The following FOXP4 variants were observed in gnomAD, a reference collection of about 807,000 sequenced individuals.
FOXP4 encodes forkhead box protein P4.
Under a neutral mutation model 82.6 loss-of-function variants are expected in FOXP4, and 25 were observed. The ratio of observed to expected loss-of-function variants is 0.30; its 90% CI spans 0.22 to 0.42. The LOEUF (loss-of-function observed/expected upper bound fraction) is 0.42, where lower values mean the gene tolerates loss of function less well. Among genes scored for constraint, FOXP4 ranks in the 10% least tolerant of loss-of-function variants. The probability of loss-of-function intolerance (pLI) is 1.00; values close to 1 mark genes in which losing one functional copy is unlikely to be tolerated. For missense variants in FOXP4, 785 were observed against 900.9 expected, an observed-to-expected ratio of 0.87 and a Z score of 1.65; for synonymous variants, 415 against 388.2, an observed-to-expected ratio of 1.07 and a Z score of -0.81.
chr6:41,548,187 C>T (rs1454106308), intron 1 of FOXP4, among the ~76,000 whole-genome samples: 1 of 152,210 alleles, frequency 6.6e-6, no homozygotes, highest in Non-Finnish European at 1.5e-5. Context: ...CACTCGGCGC[C>T]TGGCGTTTCG....
chr6:41,579,336 C>T (rs1765670073), intron 3 of FOXP4, among the ~76,000 whole-genome samples: 1 of 152,148 alleles, frequency 6.6e-6, no homozygotes, highest in African/African-American at 2.4e-5. Context: ...AAAAGGTTCT[C>T]ATACCCATGC....
At chr6:41,595,345 AC>A (rs1303507768) in intron 14 of FOXP4, among the ~76,000 whole-genome samples, 1 of 151,898 alleles carries the variant, frequency 6.6e-6, no homozygotes, top group Non-Finnish European at 1.5e-5. Flanking sequence ...AGGGGCTGCC[AC>A]CCCCAGGGCA....
intron 2 of FOXP4, among the ~76,000 whole-genome samples, chr6:41,576,146 T>A (rs571588235): frequency 6.8e-5 from 10 of 147,646 alleles, no homozygotes; most frequent in African/African-American, 2.4e-4. Context: ...AGGAGAAACA[T>A]CCTGTCCCCC....
rs373891211 is a variant in FOXP4 at position 41,565,913 on chromosome 6, C to T, written c.153C>T (p.Asp51=). Residue 51 remains aspartate, a synonymous_variant, in exon 2 of 17, where the codon GAC becomes GAT. Coordinates refer to ENST00000307972, the MANE Select transcript of FOXP4 (RefSeq NM_001012426.2). The part of the protein sequence containing the change: ...GTGREVTTGA[D]SNGEMSPAEL... ...GCAGGGAAGTGACCACGGGTGCAGACAGCAATGGTGAGATGAGTCCCGCAG... is the reference window on the plus strand; with the variant it reads ...GCAGGGAAGTGACCACGGGTGCAGATAGCAATGGTGAGATGAGTCCCGCAG... 7 of 1,613,940 alleles carry T rather than the reference C, an allele frequency of 4.3e-6. No individual in the cohort carries two copies. The highest frequency in any genetic ancestry group is 4.2e-6 in the Non-Finnish European group (5 of 1,180,050).
At chr6:41,548,104 C>T (rs908506846) in intron 1 of FOXP4, among the ~76,000 whole-genome samples, 4 of 152,212 alleles carry the variant, frequency 2.6e-5, no homozygotes, top group Non-Finnish European at 5.9e-5. Context: ...AACCCTGAGC[C>T]CAGAGCGCGC....
intron 1 of FOXP4, among the ~76,000 whole-genome samples, chr6:41,547,910 C>T (rs373417124): frequency 1.4e-4 from 22 of 152,342 alleles, no homozygotes; most frequent in Middle Eastern, 3.4e-3. Context: ...CAGAGCACAG[C>T]CAGTGGCGCT....
chr6:41,564,949 C>T lies in FOXP4; in HGVS notation c.-16-796C>T, dbSNP rs754060020. On this transcript the variant is annotated intron_variant, in intron 1 of 16. Coordinates refer to ENST00000307972, the MANE Select transcript of FOXP4 (RefSeq NM_001012426.2). ...CTGTGGCCTGGGGAAGGTCATTTGC[C>T]CTGGGATGGGAGCAAACACAAAGTC... 4.6e-4 allele frequency among the ~76,000 whole-genome samples: 70 copies of T among 152,150 alleles called. 1 individual carries two copies. Among genetic ancestry groups the T allele is most frequent in the Middle Eastern group, 3.4e-3 (1 of 294 alleles).
chr6:41,550,368 A>C (rs1002527234), intron 1 of FOXP4, among the ~76,000 whole-genome samples: 2 of 152,246 alleles, frequency 1.3e-5, no homozygotes, highest in African/African-American at 4.8e-5. Flanking sequence ...GTACTGATCA[A>C]GGGATGGCGT....
chr6:41,575,324 G>T (rs1765418263), intron 2 of FOXP4, among the ~76,000 whole-genome samples: 1 of 152,138 alleles, frequency 6.6e-6, no homozygotes, highest in South Asian at 2.1e-4. Flanking sequence ...GCCCTGGGGG[G>T]GCAGAGGCCA....
In FOXP4 at chr6:41,554,140, T is replaced by C. The variant is rs567083170; in HGVS notation, c.-17+7273T>C. Among the ~76,000 whole-genome samples, 3 of 152,244 alleles carry C rather than the reference T, an allele frequency of 2.0e-5. No individual in the cohort carries two copies. The South Asian group carries it at 6.2e-4, about 32-fold the overall frequency. On this transcript the variant is annotated intron_variant, in intron 1 of 16. Transcript: ENST00000307972. ...TTCTCCAGGCAGTGGTAATTATCACTCTCATTTGATAGGTGAAGTACCCAG... is the reference window on the plus strand; with the variant it reads ...TTCTCCAGGCAGTGGTAATTATCACCCTCATTTGATAGGTGAAGTACCCAG...
At chr6:41,594,428 T>C (rs1336013503) in intron 13 of FOXP4, among the ~76,000 whole-genome samples, 1 of 152,152 alleles carries the variant, frequency 6.6e-6, no homozygotes, top group Admixed American at 6.5e-5. Context: ...AAAAGCTTTG[T>C]GGAAATTCTG....
chr6:41,585,094 C>A (rs1356373226), intron 4 of FOXP4, among the ~76,000 whole-genome samples: 5 of 152,172 alleles, frequency 3.3e-5, no homozygotes, highest in Non-Finnish European at 7.4e-5. Context: ...CACAATACTC[C>A]CCGGTCCTCC....
intron 1 of FOXP4, among the ~76,000 whole-genome samples, chr6:41,555,918 A>T (rs935607859): frequency 6.6e-6 from 1 of 152,118 alleles, no homozygotes; most frequent in African/African-American, 2.4e-5. Flanking sequence ...AATGAGATGG[A>T]GTGGGATCTT....
rs559728234 is a variant in FOXP4, at chr6:41,558,476, T to C, written c.-16-7269T>C. ...TACCCTTCTCTAAACATCTTCCTCATGCAGTGTGTCTTATTTGATACCACT... is the reference window on the plus strand; with the variant it reads ...TACCCTTCTCTAAACATCTTCCTCACGCAGTGTGTCTTATTTGATACCACT... On this transcript the variant is annotated intron_variant, in intron 1 of 16. Transcript: ENST00000307972. The surrounding 1 kb of genome is among the most constrained non-coding windows in gnomAD (Gnocchi z 4.0). Among the ~76,000 whole-genome samples the C allele has an allele frequency of 1.1e-4, 16 of 152,334 alleles. No homozygotes were observed. In the South Asian group the frequency reaches 2.9e-3, roughly 28 times the overall value.
chr6:41,555,621 CT>C (rs1764231594), intron 1 of FOXP4, among the ~76,000 whole-genome samples: 1 of 152,234 alleles, frequency 6.6e-6, no homozygotes, highest in Non-Finnish European at 1.5e-5. Flanking sequence ...CGAATTGCCC[CT>C]ACCCCTTAAC....
At chr6:41,570,370 G>A (rs1159832134) in intron 2 of FOXP4, 1 of 471,258 alleles carries the variant, frequency 2.1e-6, no homozygotes. Flanking sequence ...CTCAGAAACT[G>A]CCCTTTCCTC....
At chr6:41,590,415 C>A in intron 12 of FOXP4, 68 bp downstream of exon 12, 4 of 1,537,884 alleles carry the variant, frequency 2.6e-6, no homozygotes, top group South Asian at 1.2e-5. Flanking sequence ...CCCGCCACAC[C>A]CCTGCCTCCA....
chr6:41,598,080 C>A, intron 16 of FOXP4, 130 bp downstream of exon 16: 1 of 725,360 alleles, frequency 1.4e-6, no homozygotes, highest in South Asian at 2.1e-5. Context: ...CAAGTGGCTT[C>A]TCTCTTCCTT....
Position 41,594,740 on chromosome 6 carries a change from C to A in FOXP4, c.1537-130C>A, listed in dbSNP as rs149357383. The A allele has an allele frequency of 3.1e-5, 44 of 1,405,806 alleles. 1 individual carries two copies. Among genetic ancestry groups the A allele is most frequent in the African/African-American group, 7.1e-5 (5 of 70,562 alleles). The allele number at this position is 1,405,806 out of a possible 1,614,324, so 87.1% of individuals were successfully genotyped here. On this transcript the variant is annotated intron_variant, in intron 13 of 16. Coordinates refer to ENST00000307972, the MANE Select transcript of FOXP4 (RefSeq NM_001012426.2). ...GCTGGGTCTCCTCCCAGCCCACCCCCCTCCCCTGCTCATCCCTGAGCTGGG... is the reference window on the plus strand; with the variant it reads ...GCTGGGTCTCCTCCCAGCCCACCCCACTCCCCTGCTCATCCCTGAGCTGGG...
Sources: allele counts gnomAD v4.1 joint callset (sites outside exome capture counted in the v4.1 genomes callset), GRCh38; gene constraint gnomAD v4.1.1; non-coding constraint Gnocchi (gnomAD v3.1); transcripts MANE v1.5; gene names NCBI Gene and HGNC (gene_info 2026-07-23, HGNC 2026-07-21).